Variants in PLXNB3 observed in about 807,000 individuals in gnomAD.
PLXNB3 encodes plexin-B3.
Under a neutral mutation model 125.7 loss-of-function variants are expected in PLXNB3, and 80 were observed. The observed-to-expected ratio is 0.64, with a 90% CI of 0.53 to 0.77. The LOEUF (loss-of-function observed/expected upper bound fraction) is 0.77. Ranked by LOEUF, PLXNB3 falls within the 30% of genes least tolerant of loss-of-function variation. PLXNB3 has a pLI of 0.00. For synonymous variants in PLXNB3, 954 were observed against 783.3 expected (o/e 1.22, Z -3.64); for missense variants, 1,836 against 1,729.3 (o/e 1.06, Z -1.09).
At chrX:153,769,526 GC>G (rs1205902688) in intron 6 of PLXNB3, among the ~76,000 whole-genome samples, 1 of 112,728 alleles carries the variant, frequency 8.9e-6, no homozygotes, top group African/African-American at 3.2e-5. Context: ...CTGTCCTCCA[GC>G]CGGTGCTCCA....
rs1379829782 is a variant in PLXNB3, at chrX:153,765,681, C to G, written c.45+101C>G. On this transcript the variant is annotated intron_variant, in intron 2 of 35. Coordinates refer to ENST00000361971, the MANE Select transcript of PLXNB3 (RefSeq NM_005393.3). ...CCAGGACATACAGGCTGCAGCCTCC[C>G]TCATGGCAGACACTGCCCCAGATAG... 1.1e-5 allele frequency: 13 copies of G among 1,156,542 alleles called. No individual in the cohort carries two copies. The African/African-American group carries it at 2.1e-4, about 19-fold the overall frequency.
Position 153,771,649 on chromosome X carries a change from T to C in PLXNB3, c.2511T>C (p.Ile837=). Residue 837 remains isoleucine (I), a synonymous_variant, in exon 14 of 36, where the codon ATT becomes ATC. Transcript: ENST00000361971. ...AVELLCPAPS[I]DAVEPLTGPP... is the part of the protein sequence containing the mutation. ...AGCTGCTGTGTCCTGCGCCCAGCAT[T>C]GATGCAGTGAGTCTCCTGCCGGGCC... 8.4e-7 allele frequency: 1 copy of C among 1,184,526 alleles called. No individual in the cohort carries two copies. The highest frequency in any genetic ancestry group is 1.1e-6 in the Non-Finnish European group (1 of 883,054).
chrX:153,772,712 G>A (rs2091945681), intron 16 of PLXNB3, 174 bp from the exon 17 acceptor site: 3 of 1,023,296 alleles, frequency 2.9e-6, no homozygotes, highest in East Asian at 3.8e-5. Context: ...TGGGTGGGAG[G>A]AAGCTGGCCA....
At chrX:153,774,620 G>A in intron 22 of PLXNB3, 49 bp downstream of exon 22, 1 of 1,163,026 alleles carries the variant, frequency 8.6e-7, no homozygotes, top group African/African-American at 1.8e-5. Flanking sequence ...CATTGGCAAG[G>A]GCGCCCTGGC....
chrX:153,767,978 G>C (rs1327610537), intron 3 of PLXNB3, 65 bp downstream of exon 3: 1 of 1,041,003 alleles, frequency 9.6e-7, no homozygotes, highest in African/African-American at 1.9e-5. Context: ...CACTGGACAG[G>C]GGTGCCTGCC....
At position 153,771,850 on chromosome X, in the gene PLXNB3, T is replaced by C. The variant is rs1557062028; in HGVS notation, c.2518-14T>C. 1.7e-6 allele frequency: 2 copies of C among 1,204,282 alleles called. No individual in the cohort carries two copies. The highest frequency in any genetic ancestry group is 2.2e-5 in the Admixed American group (1 of 45,699). ...GTGCGGGGGACCCCATCTGCCATCA[T>C]TTGCCTGCTGCAGGTCGAGCCCCTG... On this transcript the variant is annotated splice_polypyrimidine_tract_variant and intron_variant, in intron 14 of 35. Transcript: ENST00000361971.
chrX:153,777,396 G>A lies in PLXNB3; in HGVS notation c.5100+16G>A, dbSNP rs2092009236. ...GTCCATGAAGGTTGGTGCGGCCTGG[G>A]TGGCTGGGCCTGAGAGGAGGCTCAG... On this transcript the variant is annotated intron_variant, in intron 30 of 35. Transcript: ENST00000361971. 8.4e-7 allele frequency: 1 copy of A among 1,188,040 alleles called. No individual in the cohort carries two copies. Among genetic ancestry groups the A allele is most frequent in the Non-Finnish European group, 1.1e-6 (1 of 879,748 alleles).
chrX:153,768,378 G>T lies in PLXNB3; in HGVS notation c.1216G>T (p.Asp406Tyr). 8.3e-7 allele frequency: 1 copy of T among 1,209,971 alleles called. No individual in the cohort carries two copies. ...CAGCGCCGTGGCAGCTCTCCAGGCA[G>T]ATGGGCACATGATAGCCTTCCTGGG... ...PVSAVAALQA[D>Y]GHMIAFLGDT... The change falls in exon 4 of 36, where the codon GAT becomes TAT. Residue 406 changes from aspartate (D) to tyrosine (Y), a missense_variant. Coordinates refer to ENST00000361971, the MANE Select transcript of PLXNB3 (RefSeq NM_005393.3).
intron 6 of PLXNB3, 88 bp downstream of exon 6, chrX:153,769,350 A>G: frequency 1.4e-6 from 1 of 738,985 alleles, no homozygotes; most frequent in Non-Finnish European, 2.0e-6. Context: ...GCGTGCCGGG[A>G]GGCCAACCCT....
Position 153,774,446 on chromosome X carries a change from C to T in PLXNB3, c.3705C>T (p.Ala1235=), listed in dbSNP as rs782645026. 1 of 1,200,922 alleles carries T rather than the reference C, an allele frequency of 8.3e-7. No homozygotes were observed. The highest frequency in any genetic ancestry group is 2.2e-5 in the Admixed American group (1 of 45,051). ...FVVQMGNVQL[A]LGPVQYEAEP... ...TGCAGATGGGCAATGTGCAGCTGGC[C>T]CTGGGCCCTGTGCAGTACGAGGCTG... The change falls in exon 22 of 36, where the codon GCC becomes GCT. Residue 1235 remains alanine, a synonymous_variant. Coordinates refer to ENST00000361971, the MANE Select transcript of PLXNB3 (RefSeq NM_005393.3).
Position 153,776,061 on chromosome X carries a change from G to T in PLXNB3, c.4576G>T (p.Ala1526Ser). ...LTLMVLVGPGAGGAAGSSEMQ... is the reference protein window; with the variant it reads ...LTLMVLVGPGSGGAAGSSEMQ... ...GCTGATGGTGCTGGTGGGGCCCGGGGCTGGCGGGGCCGCAGGCAGCAGCGA... is the reference window on the plus strand; with the variant it reads ...GCTGATGGTGCTGGTGGGGCCCGGGTCTGGCGGGGCCGCAGGCAGCAGCGA... Residue 1526 changes from alanine to serine, a missense_variant, in exon 27 of 36, where the codon GCT (alanine) becomes TCT (serine). Ala to Ser is a moderately conservative substitution (Grantham distance 99, BLOSUM62 1). Coordinates refer to ENST00000361971, the MANE Select transcript of PLXNB3 (RefSeq NM_005393.3). The T allele has an allele frequency of 8.4e-7, 1 of 1,196,898 alleles. No individual in the cohort carries two copies. Among genetic ancestry groups the T allele is most frequent in the East Asian group, 3.0e-5 (1 of 32,803 alleles).
Position 153,767,774 on chromosome X carries a change from C to T in PLXNB3, c.947C>T (p.Ala316Val). The T allele has an allele frequency of 8.5e-7, 1 of 1,171,859 alleles. No individual in the cohort carries two copies. The highest frequency in any genetic ancestry group is 1.9e-5 in the South Asian group (1 of 52,944). Residue 316 changes from alanine to valine, a missense_variant, in exon 3 of 36, where the codon GCC becomes GTC. Physicochemically the swap from Ala to Val is moderately conservative, Grantham distance 64. Coordinates refer to ENST00000361971, the MANE Select transcript of PLXNB3 (RefSeq NM_005393.3). ...GPRGTQAALC[A>V]FPMVELGASM... is the part of the protein sequence containing the mutation. ...AGGGGCACCCAGGCGGCGCTCTGTGCCTTCCCCATGGTGGAGCTGGGTGCC... is the reference window on the plus strand; with the variant it reads ...AGGGGCACCCAGGCGGCGCTCTGTGTCTTCCCCATGGTGGAGCTGGGTGCC...
rs2091853844 is a variant in PLXNB3 at position 153,766,091 on chromosome X, G to T, written c.45+511G>T. On this transcript the variant is annotated intron_variant, in intron 2 of 35. Transcript: ENST00000361971. ...GAGACCCAAACTGCTGGGGCCCATG[G>T]GGCAGGAGCAGGCCTCCCCGCACCC... 3 of 1,069,190 alleles carry T rather than the reference G, an allele frequency of 2.8e-6. No homozygotes were observed. In the African/African-American group the frequency reaches 5.6e-5, roughly 20 times the overall value. 88.1% of individuals were successfully genotyped at this position (1,069,190 alleles called of 1,213,427 possible). A position where few individuals can be genotyped will look rare whatever the true frequency, so the allele number is the denominator to read the frequency against.
Position 153,775,650 on chromosome X carries a change from C to G in PLXNB3, c.4391C>G (p.Ala1464Gly), listed in dbSNP as rs782006902. The change falls in exon 26 of 36, where the codon GCC becomes GGC. Residue 1464 changes from alanine to glycine, a missense_variant. By Grantham distance (60) the Ala-to-Gly change is moderately conservative. Transcript: ENST00000361971. ...AACTGGCTGTCCATCTGCCTGTACG[C>G]CTTCCTGAGGGTGAGGGGCACTGTC... is the stretch of plus-strand genomic sequence containing the variant. The part of the protein sequence containing the change: ...LTNWLSICLY[A>G]FLREVAGEPL... 4.1e-6 allele frequency: 5 copies of G among 1,208,589 alleles called. No individual in the cohort carries two copies. The Admixed American group carries it at 6.5e-5, about 16-fold the overall frequency.
Position 153,778,153 on chromosome X carries a change from G to C in PLXNB3, c.5409+58G>C, listed in dbSNP as rs1557065165. On this transcript the variant is annotated intron_variant, in intron 32 of 35. Coordinates refer to ENST00000361971, the MANE Select transcript of PLXNB3 (RefSeq NM_005393.3). Reference sequence around the variant, plus strand: ...GGGCTTGAGGAGGAAAGGCTTATGGGGGAAGCCTAGAGGGCTGTGCACAGA... The same window carrying C: ...GGGCTTGAGGAGGAAAGGCTTATGGCGGAAGCCTAGAGGGCTGTGCACAGA... The C allele has an allele frequency of 3.3e-6, 4 of 1,198,694 alleles. No homozygotes were observed. In the South Asian group the frequency reaches 7.1e-5, roughly 21 times the overall value.
In PLXNB3 at chrX:153,770,096, C is replaced by T; in HGVS notation, c.1634C>T (p.Thr545Ile). The change falls in exon 8 of 36, where the codon ACT (threonine) becomes ATT (isoleucine). Residue 545 changes from threonine to isoleucine, a missense_variant. Physicochemically the swap from Thr to Ile is moderately conservative, Grantham distance 89. Transcript: ENST00000361971. ...HHPRQEQGQV[T>I]LSVPRLPILD... is the part of the protein sequence containing the mutation. The stretch of plus-strand genomic sequence containing the variant: ...TTTCTCCCCGCTGCATCCCAGGTCA[C>T]TTTGTCTGTCCCCCGGCTGCCCATC... 8.3e-7 allele frequency: 1 copy of T among 1,210,980 alleles called. No individual in the cohort carries two copies. The highest frequency in any genetic ancestry group is 1.1e-6 in the Non-Finnish European group (1 of 895,173).
intron 16 of PLXNB3, 93 bp downstream of exon 16, chrX:153,772,380 G>A: frequency 3.0e-6 from 2 of 664,703 alleles, no homozygotes; most frequent in East Asian, 6.6e-5. Flanking sequence ...AGCTGGGTCT[G>A]CGGGGAGCAG....
chrX:153,775,541 C>T (rs1357086795), intron 25 of PLXNB3, 53 bp from the exon 26 acceptor site: 5 of 1,172,654 alleles, frequency 4.3e-6, no homozygotes, highest in Non-Finnish European at 5.8e-6. Context: ...AGTGAGATGT[C>T]CTCAGCAGGG....
rs1265441530 is a variant in PLXNB3 at position 153,778,422 on chromosome X, C to T, written c.5501C>T (p.Ser1834Phe). The change falls in exon 34 of 36, where the codon TCT (serine) becomes TTT (phenylalanine). Residue 1834 changes from serine (S) to phenylalanine (F), a missense_variant. By Grantham distance (155) the Ser-to-Phe change is radical. Transcript: ENST00000361971. ...TACTATGCGGACATTCGCCAGAGCT[C>T]TCCGGCGAGCTACCAGGAGATGAAC... ...ERYYADIRQS[S>F]PASYQEMNSA... 2 of 1,211,381 alleles carry T rather than the reference C, an allele frequency of 1.7e-6. No homozygotes were observed. Among genetic ancestry groups the T allele is most frequent in the East Asian group, 3.0e-5 (1 of 33,837 alleles).
Sources: allele counts gnomAD v4.1 joint callset (sites outside exome capture counted in the v4.1 genomes callset), GRCh38; gene constraint gnomAD v4.1.1; transcripts MANE v1.5; gene names NCBI Gene and HGNC (gene_info 2026-07-23, HGNC 2026-07-21).